MARCHF8: variants seen among roughly 807,000 people sequenced by gnomAD.
MARCHF8 encodes membrane associated ring-CH-type finger 8, also known as E3 ubiquitin-protein ligase MARCHF8.
In MARCHF8, 40 loss-of-function variants were observed where a neutral mutation model predicts 51.6. The observed-to-expected ratio is 0.77, with a 90% CI of 0.60 to 1.01. The LOEUF is 1.01. Among genes scored for constraint, MARCHF8 ranks in the 50% least tolerant of loss-of-function variants. MARCHF8 has a pLI of 0.00. For missense variants in MARCHF8, 685 were observed against 708.6 expected (o/e 0.97, Z 0.38); for synonymous variants, 263 against 280.3 (o/e 0.94, Z 0.62).
chr10:45,560,174 T>A (rs2044293561), intron 1 of MARCHF8, among the ~76,000 whole-genome samples: 1 of 151,878 alleles, frequency 6.6e-6, no homozygotes, highest in African/African-American at 2.4e-5. Context: ...AAACGAGATA[T>A]GAAATAGAGA....
intron 2 of MARCHF8, among the ~76,000 whole-genome samples, chr10:45,531,188 G>A (rs1247681108): frequency 6.6e-6 from 1 of 152,132 alleles, no homozygotes; most frequent in Admixed American, 6.5e-5. Flanking sequence ...AGAATGGGGG[G>A]ACAGAAAAAG....
intron 3 of MARCHF8, among the ~76,000 whole-genome samples, chr10:45,481,483 G>A (rs1230514503): frequency 6.6e-6 from 1 of 152,168 alleles, no homozygotes; most frequent in African/African-American, 2.4e-5. Context: ...CATGTGTCGT[G>A]GGAGGGACCC....
chr10:45,576,527 G>A (rs1442595883), intron 1 of MARCHF8, among the ~76,000 whole-genome samples: 1 of 152,096 alleles, frequency 6.6e-6, no homozygotes, highest in African/African-American at 2.4e-5. Flanking sequence ...GAATAACACT[G>A]GTAGAATCAA....
At chr10:45,478,478 G>T (rs2042825375) in intron 3 of MARCHF8, among the ~76,000 whole-genome samples, 1 of 150,264 alleles carries the variant, frequency 6.7e-6, no homozygotes, top group East Asian at 1.9e-4. Flanking sequence ...TGCACCTCAA[G>T]GATCTAGAAA....
chr10:45,481,027 G>A (rs541326182), intron 3 of MARCHF8, among the ~76,000 whole-genome samples: 12 of 152,378 alleles, frequency 7.9e-5, no homozygotes, highest in Admixed American at 3.9e-4. Flanking sequence ...GCCAAAGGCC[G>A]TGGGAGCCCA....
In MARCHF8 at chr10:45,457,192, CCAACTGGAGAGAT is replaced by C. The variant is rs1842630867; in HGVS notation, c.*1034_*1046del. The C allele has an allele frequency of 6.6e-6, 1 of 152,236 alleles. No individual in the cohort carries two copies. The highest frequency in any genetic ancestry group is 6.5e-5 in the Admixed American group (1 of 15,282). The allele number at this position is 152,236 out of a possible 1,614,324, so 9.4% of individuals were successfully genotyped here. On this transcript the variant is annotated 3_prime_UTR_variant, in exon 8 of 8. Coordinates refer to ENST00000453424, the MANE Select transcript of MARCHF8 (RefSeq NM_001282866.2). ...CTGCTCTTTCAATGTGAAGCCAACA[CCAACTGGAGAGAT>C]TTAACTATAAAGGAATATTTTTTAA...
rs1353936938 is a variant in MARCHF8 at position 45,458,253 on chromosome 10, T to C, written c.1708A>G (p.Ile570Val). The C allele has an allele frequency of 1.9e-6, 3 of 1,610,598 alleles. No individual in the cohort carries two copies. The highest frequency in any genetic ancestry group is 3.4e-5 in the Admixed American group (2 of 59,626). ...CTEPEDTGAE[I>V]IHV ...CCCGCACACAATCAGACGTGAATGA[T>C]TTCTGCTCCAGTGTCTTCAGGCTCT... The change falls in exon 8 of 8, where the codon ATC becomes GTC. Residue 570 changes from isoleucine (I) to valine (V), a missense_variant. Transcript: ENST00000453424.
chr10:45,568,778 T>G (rs547344997), intron 1 of MARCHF8, among the ~76,000 whole-genome samples: 3 of 147,154 alleles, frequency 2.0e-5, no homozygotes, highest in Non-Finnish European at 3.0e-5. Context: ...TTAAAAAAAT[T>G]GCAAAACAAG....
intron 3 of MARCHF8, among the ~76,000 whole-genome samples, chr10:45,481,437 C>T (rs2042885735): frequency 1.3e-5 from 2 of 152,138 alleles, no homozygotes; most frequent in Admixed American, 1.3e-4. Flanking sequence ...TGTGTCCCCA[C>T]CAAATCTCAT....
At chr10:45,473,595 G>A (rs2042733955) in intron 3 of MARCHF8, among the ~76,000 whole-genome samples, 1 of 151,582 alleles carries the variant, frequency 6.6e-6, no homozygotes, top group Non-Finnish European at 1.5e-5. Context: ...ATCTTCCTCT[G>A]AGAGGCATCA....
chr10:45,466,586 C>G (rs1300461050), intron 3 of MARCHF8, among the ~76,000 whole-genome samples: 1 of 152,094 alleles, frequency 6.6e-6, no homozygotes, highest in Non-Finnish European at 1.5e-5. Context: ...GGGATGGCAG[C>G]AGAGGAAAGT....
chr10:45,547,607 T>C (rs755024940), intron 1 of MARCHF8, among the ~76,000 whole-genome samples: 1 of 152,176 alleles, frequency 6.6e-6, no homozygotes, highest in African/African-American at 2.4e-5. Context: ...ACCTAAAATA[T>C]GTAGCGGTTT....
At chr10:45,459,027 A>G in intron 7 of MARCHF8, 93 bp downstream of exon 7, 1 of 1,528,610 alleles carries the variant, frequency 6.5e-7, no homozygotes. Flanking sequence ...GGAAACCCAG[A>G]CGTTTTTGGC....
upstream of MARCHF8, among the ~76,000 whole-genome samples, chr10:45,537,782 G>A (rs1589160875): frequency 6.6e-6 from 1 of 152,124 alleles, no homozygotes; most frequent in South Asian, 2.1e-4. Flanking sequence ...GTAGAGCAGT[G>A]CATGCCAAGA....
At chr10:45,544,076 A>G (rs2044090448) in intron 1 of MARCHF8, among the ~76,000 whole-genome samples, 1 of 152,100 alleles carries the variant, frequency 6.6e-6, no homozygotes, top group South Asian at 2.1e-4. Flanking sequence ...TCTAAAAAAT[A>G]AAATAAAATA....
At chr10:45,503,148 T>C (rs1412390710) in intron 2 of MARCHF8, among the ~76,000 whole-genome samples, 1 of 152,200 alleles carries the variant, frequency 6.6e-6, no homozygotes, top group Admixed American at 6.5e-5. Flanking sequence ...AGCAAAGAGA[T>C]AGTCAAACTC....
chr10:45,584,418 AC>A (rs1362124182), intron 1 of MARCHF8, among the ~76,000 whole-genome samples: 3 of 151,892 alleles, frequency 2.0e-5, no homozygotes, highest in African/African-American at 7.3e-5. Context: ...ATAAATATGG[AC>A]CCACAGATTA....
chr10:45,578,147 C>G (rs1003286071), intron 1 of MARCHF8, among the ~76,000 whole-genome samples: 1 of 152,168 alleles, frequency 6.6e-6, no homozygotes, highest in Non-Finnish European at 1.5e-5. Context: ...TCACAATAAG[C>G]ACATCATATA....
rs1175850635 is a variant in MARCHF8, at chr10:45,463,948, A to G, written c.291T>C (p.Ser97=). Reference sequence around the variant, plus strand: ...AGTGAGGAGCTTTCGAGACAACAGCAGACTGCACGGAACTGTGGTGACAAC... The same window carrying G: ...AGTGAGGAGCTTTCGAGACAACAGCGGACTGCACGGAACTGTGGTGACAAC... ...SECCHHSSVQ[S]AVVSKAPHCQ... The change falls in exon 5 of 8, where the codon TCT becomes TCC. Residue 97 remains serine, a synonymous_variant. Transcript: ENST00000453424. 1 of 1,536,216 alleles carries G rather than the reference A, an allele frequency of 6.5e-7. No homozygotes were observed. The highest frequency in any genetic ancestry group is 8.7e-7 in the Non-Finnish European group (1 of 1,146,930).
Sources: gnomAD v4.1 joint callset for allele counts (sites outside exome capture counted in the v4.1 genomes callset) on GRCh38, gnomAD v4.1.1 for gene constraint, MANE v1.5 for transcripts, NCBI Gene and HGNC (gene_info 2026-07-23, HGNC 2026-07-21) for gene names.